NAALADL2: variants seen among roughly 807,000 people sequenced by gnomAD.
The protein encoded by NAALADL2 is inactive N-acetylated-alpha-linked acidic dipeptidase-like protein 2.
NAALADL2 carries 76 observed loss-of-function variants against 87.2 expected under a neutral mutation model. That is an observed-to-expected ratio of 0.87 (90% CI 0.72 to 1.05). The LOEUF is 1.05. Ranked by LOEUF, NAALADL2 falls within the 50% of genes least tolerant of loss-of-function variation. The pLI is 0.00. For missense variants in NAALADL2, 1,089 were observed against 945.8 expected, an observed-to-expected ratio of 1.15 and a Z score of -1.99; for synonymous variants, 354 against 331.0, an observed-to-expected ratio of 1.07 and a Z score of -0.75.
At chr3:175,605,283 C>T (rs1438626024) in intron 10 of NAALADL2, among the ~76,000 whole-genome samples, 1 of 152,056 alleles carries the variant, frequency 6.6e-6, no homozygotes. Flanking sequence ...GAAAGAAAGT[C>T]TGTGGCAATG....
intron 1 of NAALADL2, among the ~76,000 whole-genome samples, chr3:175,024,989 A>G (rs1465681671): frequency 6.6e-6 from 1 of 152,156 alleles, no homozygotes; most frequent in African/African-American, 2.4e-5. Flanking sequence ...GAGGATGTCT[A>G]AAAGTATCTG....
chr3:174,807,222 A>G (rs534308577), intron 3 of NAALADL2, among the ~76,000 whole-genome samples: 5 of 152,066 alleles, frequency 3.3e-5, no homozygotes, highest in African/African-American at 9.6e-5. Context: ...TTTTTTCTTC[A>G]TGAATATCAT....
intron 2 of NAALADL2, among the ~76,000 whole-genome samples, chr3:174,578,135 G>A (rs1387206819): frequency 7.2e-5 from 11 of 151,890 alleles, no homozygotes; most frequent in Admixed American, 7.2e-4. Context: ...ACTGACCTGT[G>A]GAACAATGCT....
At chr3:174,852,481 T>G (rs1251843541) in intron 3 of NAALADL2, among the ~76,000 whole-genome samples, 1 of 152,036 alleles carries the variant, frequency 6.6e-6, no homozygotes, top group Non-Finnish European at 1.5e-5. Context: ...ATAGATAAAA[T>G]TAAATACTTT....
At chr3:175,287,134 T>A (rs1260068703) in intron 4 of NAALADL2, among the ~76,000 whole-genome samples, 2 of 152,124 alleles carry the variant, frequency 1.3e-5, no homozygotes, top group African/African-American at 4.8e-5. Flanking sequence ...ATTATCTCGT[T>A]CCGTATAGTA....
chr3:175,808,792 T>G lies in NAALADL2; in HGVS notation c.*5589T>G, dbSNP rs1754916331. The G allele has an allele frequency of 6.6e-6, 1 of 152,038 alleles. No homozygotes were observed. The highest frequency in any genetic ancestry group is 6.6e-5 in the Admixed American group (1 of 15,232). The allele number at this position is 152,038 out of a possible 1,614,324, so 9.4% of individuals were successfully genotyped here. ...TGCATTGAAGTTAATGTCGGTCTTTTGTTCTAATTAAAGTACAAACGTGGC... is the reference window on the plus strand; with the variant it reads ...TGCATTGAAGTTAATGTCGGTCTTTGGTTCTAATTAAAGTACAAACGTGGC... On this transcript the variant is annotated 3_prime_UTR_variant, in exon 14 of 14. Coordinates refer to ENST00000454872, the MANE Select transcript of NAALADL2 (RefSeq NM_207015.3).
chr3:174,466,672 C>A (rs1341147089), intron 1 of NAALADL2, among the ~76,000 whole-genome samples: 6 of 152,052 alleles, frequency 3.9e-5, no homozygotes, highest in African/African-American at 9.7e-5. Flanking sequence ...TAATTAGGAC[C>A]CCCAGTGAGA....
intron 4 of NAALADL2, among the ~76,000 whole-genome samples, chr3:175,315,549 A>G (rs1003012676): frequency 2.6e-5 from 4 of 152,198 alleles, no homozygotes; most frequent in African/African-American, 9.7e-5. Context: ...AAATATTCCC[A>G]ATATAAACAG....
chr3:174,998,752 A>C (rs1053301074), intron 1 of NAALADL2, among the ~76,000 whole-genome samples: 1 of 152,168 alleles, frequency 6.6e-6, no homozygotes, highest in African/African-American at 2.4e-5. Flanking sequence ...CATGTCTGAG[A>C]GACCACAAAT....
rs116098176 is a variant in NAALADL2, at chr3:174,620,212, T to G, written c.-115+69575T>G. The stretch of plus-strand genomic sequence containing the variant: ...CTGACACTTTGAAAGGCTCTGGGAA[T>G]ATAAGGATGAATGAGTCCACTTCTT... On this transcript the variant is annotated intron_variant, in intron 2 of 3. Coordinates refer to the NAALADL2 transcript ENST00000434257. Among the ~76,000 whole-genome samples the G allele has an allele frequency of 4.9e-3, 748 of 152,146 alleles. 7 individuals are homozygous for G. Among genetic ancestry groups the G allele is most frequent in the African/African-American group, 0.017 (709 of 41,564 alleles).
intron 9 of NAALADL2, among the ~76,000 whole-genome samples, chr3:175,486,577 C>T (rs1355306411): frequency 2.0e-5 from 3 of 152,090 alleles, no homozygotes; most frequent in Non-Finnish European, 4.4e-5. Context: ...CTTACACCCC[C>T]AAATCTCTGG....
chr3:175,295,699 T>A (rs1178287207), intron 4 of NAALADL2, among the ~76,000 whole-genome samples: 3 of 142,688 alleles, frequency 2.1e-5, no homozygotes, highest in African/African-American at 7.8e-5. Flanking sequence ...CTTAAAATCT[T>A]TTGATACACA....
intron 1 of NAALADL2, among the ~76,000 whole-genome samples, chr3:174,962,525 C>T (rs1742266516): frequency 6.7e-6 from 1 of 149,404 alleles, no homozygotes; most frequent in Admixed American, 6.7e-5. Flanking sequence ...GTGGACCATA[C>T]ATAATAAAAG....
At chr3:174,689,805 C>T (rs192459255) in intron 2 of NAALADL2, among the ~76,000 whole-genome samples, 1 of 152,184 alleles carries the variant, frequency 6.6e-6, no homozygotes, top group Admixed American at 6.5e-5. Context: ...CAGGAAAATA[C>T]AGTTTAGGAA....
intron 1 of NAALADL2, among the ~76,000 whole-genome samples, chr3:174,945,016 A>G (rs1332947389): frequency 3.3e-5 from 5 of 152,134 alleles, no homozygotes; most frequent in African/African-American, 1.2e-4. Flanking sequence ...GGTGAGAGGC[A>G]GCACACTAGC....
chr3:174,927,681 C>T (rs1041891312), intron 1 of NAALADL2, among the ~76,000 whole-genome samples: 3 of 152,072 alleles, frequency 2.0e-5, no homozygotes, highest in Non-Finnish European at 4.4e-5. Context: ...ACACAACATA[C>T]GAGAATCTCT....
chr3:175,036,531 C>A (rs1350129584), intron 1 of NAALADL2, among the ~76,000 whole-genome samples: 1 of 151,958 alleles, frequency 6.6e-6, no homozygotes. Flanking sequence ...TCCCAAATAG[C>A]TGGGACTACA....
rs377522672 is a variant in NAALADL2 at position 175,356,576 on chromosome 3, A to AAATAATAATAATAATAATAAT, written c.1090+32266_1090+32286dup. Among the ~76,000 whole-genome samples, 393 of 131,726 alleles carry AAATAATAATAATAATAATAAT rather than the reference A, an allele frequency of 3.0e-3. 3 individuals are homozygous for AAATAATAATAATAATAATAAT. Among genetic ancestry groups the AAATAATAATAATAATAATAAT allele is most frequent in the East Asian group, 5.8e-3 (26 of 4,482 alleles). 86.4% of individuals were successfully genotyped at this position (131,726 alleles called of 152,430 possible). On this transcript the variant is annotated intron_variant, in intron 5 of 13. Coordinates refer to ENST00000454872, the MANE Select transcript of NAALADL2 (RefSeq NM_207015.3). ...GATGACAGAGCAAGACCCTGTGTCA[A>AAATAATAATAATAATAATAAT]AATAATAATAATAATAATAATAATA... is the stretch of plus-strand genomic sequence containing the variant.
chr3:175,652,978 A>G (rs928134627), intron 11 of NAALADL2, among the ~76,000 whole-genome samples: 1 of 152,146 alleles, frequency 6.6e-6, no homozygotes, highest in Admixed American at 6.5e-5. Context: ...GGATTGACAC[A>G]TATTTTGTAT....
Sources: gnomAD v4.1 joint callset for allele counts (sites outside exome capture counted in the v4.1 genomes callset) on GRCh38, gnomAD v4.1.1 for gene constraint, MANE v1.5 for transcripts, NCBI Gene and HGNC (gene_info 2026-07-23, HGNC 2026-07-21) for gene names.